Variants in KANK1 observed in about 807,000 individuals in gnomAD.
The protein encoded by KANK1 is KN motif and ankyrin repeat domains 1, also known as KN motif and ankyrin repeat domain-containing protein 1.
A neutral mutation model predicts 106.2 loss-of-function variants in KANK1; 109 were observed. That is an observed-to-expected ratio of 1.03 (90% CI 0.88 to 1.20). The LOEUF is 1.20. Among genes scored for constraint, KANK1 ranks in the 50% most tolerant of loss-of-function variants. KANK1 has a pLI of 0.00. For missense variants in KANK1, 2,399 were observed against 1,710.7 expected, an observed-to-expected ratio of 1.40 and a Z score of -7.10; for synonymous variants, 873 against 652.2, an observed-to-expected ratio of 1.34 and a Z score of -5.16.
intron 2 of KANK1, among the ~76,000 whole-genome samples, chr9:694,316 A>G (rs1820695555): frequency 6.6e-6 from 1 of 152,212 alleles, no homozygotes; most frequent in South Asian, 2.1e-4. Context: ...TGCTTTTCAC[A>G]GAATTACTCT....
chr9:473,904 T>G (rs2058061999), intron 3 of KANK1, among the ~76,000 whole-genome samples: 1 of 152,166 alleles, frequency 6.6e-6, no homozygotes, highest in African/African-American at 2.4e-5. Context: ...TTCACCATGT[T>G]GGCCAGGATG....
intron 1 of KANK1, among the ~76,000 whole-genome samples, chr9:662,225 C>A (rs796673691): frequency 7.2e-5 from 11 of 152,194 alleles, no homozygotes; most frequent in African/African-American, 2.6e-4. Flanking sequence ...TAGGAAGAAT[C>A]AATATTGTGA....
chr9:661,316 G>A (rs186177799), intron 1 of KANK1, among the ~76,000 whole-genome samples: 126 of 149,228 alleles, frequency 8.4e-4, no homozygotes, highest in Non-Finnish European at 1.5e-3. Flanking sequence ...GATGTTCACC[G>A]CCCTGTGTCC....
intron 1 of KANK1, among the ~76,000 whole-genome samples, chr9:505,242 G>C (rs1013602264): frequency 2.0e-5 from 3 of 152,194 alleles, no homozygotes; most frequent in Non-Finnish European, 4.4e-5. Flanking sequence ...CTTCGCGGGA[G>C]GGAGTGGCGG....
rs961693640 is a variant in KANK1 at position 712,647 on chromosome 9, T to A, written c.1881T>A (p.Ser627=). Residue 627 remains serine, a synonymous_variant, in exon 3 of 12, where the codon TCT becomes TCA. Coordinates refer to ENST00000382297, the MANE Select transcript of KANK1 (RefSeq NM_015158.5). ...KTNLNLKEVR[S]IGCGDCSVDV... ...ACTTGAATCTCAAAGAAGTGCGGTC[T>A]ATCGGTTGTGGAGATTGTTCTGTTG... is the stretch of plus-strand genomic sequence containing the variant. 1.1e-5 allele frequency: 18 copies of A among 1,614,030 alleles called. No individual in the cohort carries two copies. In the African/African-American group the frequency reaches 2.1e-4, roughly 19 times the overall value.
At chr9:608,697 G>A (rs1829887109) in intron 1 of KANK1, among the ~76,000 whole-genome samples, 1 of 152,110 alleles carries the variant, frequency 6.6e-6, no homozygotes, top group East Asian at 1.9e-4. Context: ...TTGAAAAATT[G>A]TTCACAAAGG....
At chr9:584,411 C>A (rs1357087978) in intron 1 of KANK1, among the ~76,000 whole-genome samples, 1 of 152,032 alleles carries the variant, frequency 6.6e-6, no homozygotes, top group African/African-American at 2.4e-5. Context: ...TATGAACTTA[C>A]AGTAAAGAAC....
At position 711,552 on chromosome 9, in the gene KANK1, C is replaced by T; in HGVS notation, c.786C>T (p.His262=). Reference sequence around the variant, plus strand: ...ACGTGAGCCCCATGCACCTGCAGCACATCCGCGAGCAGATGGCCATTGCTC... The same window carrying T: ...ACGTGAGCCCCATGCACCTGCAGCATATCCGCGAGCAGATGGCCATTGCTC... ...VTNVSPMHLQ[H]IREQMAIALK... Residue 262 remains histidine, a synonymous_variant, in exon 3 of 12, where the codon CAC becomes CAT. Coordinates refer to ENST00000382297, the MANE Select transcript of KANK1 (RefSeq NM_015158.5). The T allele has an allele frequency of 6.2e-7, 1 of 1,613,812 alleles. No homozygotes were observed. The highest frequency in any genetic ancestry group is 8.5e-7 in the Non-Finnish European group (1 of 1,179,842).
intron 2 of KANK1, among the ~76,000 whole-genome samples, chr9:682,331 A>G (rs1817721675): frequency 6.6e-6 from 1 of 152,114 alleles, no homozygotes; most frequent in African/African-American, 2.4e-5. Context: ...AAAATTTGAC[A>G]GGAAACCAGA....
chr9:682,306 A>T (rs1352516377), intron 2 of KANK1, among the ~76,000 whole-genome samples: 1 of 152,116 alleles, frequency 6.6e-6, no homozygotes, highest in African/African-American at 2.4e-5. Flanking sequence ...AAGTTATTTA[A>T]ATTAATGATA....
At chr9:647,697 G>C (rs1839987956) in intron 1 of KANK1, among the ~76,000 whole-genome samples, 1 of 150,816 alleles carries the variant, frequency 6.6e-6, no homozygotes, top group South Asian at 2.1e-4. Context: ...AATCTCATCA[G>C]ATGTCCTGAG....
intron 1 of KANK1, among the ~76,000 whole-genome samples, chr9:573,518 C>G (rs982849439): frequency 6.6e-6 from 1 of 152,112 alleles, no homozygotes; most frequent in African/African-American, 2.4e-5. Context: ...GATCCGCCCT[C>G]CTCGGCCTCC....
intron 1 of KANK1, among the ~76,000 whole-genome samples, chr9:514,307 T>A (rs1015095576): frequency 3.9e-5 from 5 of 129,236 alleles, no homozygotes; most frequent in Middle Eastern, 3.5e-3. Flanking sequence ...TAGAGCTGCT[T>A]TTTCCTCTAA....
chr9:640,846 G>A (rs991423630), intron 1 of KANK1, among the ~76,000 whole-genome samples: 5 of 151,780 alleles, frequency 3.3e-5, no homozygotes, highest in East Asian at 1.9e-4. Flanking sequence ...ACATGTGCCC[G>A]CCACCAGGCC....
chr9:651,829 G>A (rs1401039970), intron 1 of KANK1, among the ~76,000 whole-genome samples: 2 of 152,118 alleles, frequency 1.3e-5, no homozygotes, highest in Admixed American at 1.3e-4. Flanking sequence ...ATATACAGAG[G>A]TTGAGTTTTA....
At position 547,340 on chromosome 9, in the gene KANK1, G is replaced by A. The variant is rs113182221; in HGVS notation, c.-84+42586G>A. 54 of 152,312 alleles carry A rather than the reference G, an allele frequency of 3.5e-4. 1 individual carries two copies. Among genetic ancestry groups the A allele is most frequent in the Middle Eastern group, 3.4e-3 (1 of 294 alleles). The allele number at this position is 152,312 out of a possible 1,614,324, so 9.4% of individuals were successfully genotyped here. On this transcript the variant is annotated intron_variant, in intron 1 of 11. Transcript: ENST00000382297. ...TCACAGAACTGTCTCGGAAAGCCCT[G>A]GGTAAGTTTGAAGAGCAAAGTTGCC...
intron 1 of KANK1, among the ~76,000 whole-genome samples, chr9:548,544 T>C (rs2061075012): frequency 6.6e-6 from 1 of 152,206 alleles, no homozygotes; most frequent in Non-Finnish European, 1.5e-5. Context: ...CAGACATTTG[T>C]TTGCACAAAC....
intron 2 of KANK1, among the ~76,000 whole-genome samples, chr9:685,287 T>C (rs1278473094): frequency 1.3e-5 from 2 of 152,180 alleles, no homozygotes; most frequent in East Asian, 3.8e-4. Context: ...CACTTAAAAA[T>C]AAGTACGCTG....
intron 1 of KANK1, among the ~76,000 whole-genome samples, chr9:626,626 C>A (rs1834410900): frequency 6.6e-6 from 1 of 152,150 alleles, no homozygotes; most frequent in South Asian, 2.1e-4. Flanking sequence ...AACATCTGGC[C>A]CCAGCCCTAT....
Sources: gnomAD v4.1 joint callset for allele counts (sites outside exome capture counted in the v4.1 genomes callset) on GRCh38, gnomAD v4.1.1 for gene constraint, MANE v1.5 for transcripts, NCBI Gene and HGNC (gene_info 2026-07-23, HGNC 2026-07-21) for gene names.